The following NOX4 variants were observed in gnomAD, a reference collection of about 807,000 sequenced individuals.
The protein encoded by NOX4 is kidney oxidase-1.
In NOX4, 69 loss-of-function variants were observed where a neutral mutation model predicts 87.6. The observed-to-expected ratio is 0.79, with a 90% CI of 0.65 to 0.96. The LOEUF (loss-of-function observed/expected upper bound fraction) is 0.96. NOX4 is among the 40% of genes least tolerant of loss of function. NOX4 has a pLI of 0.00. For synonymous variants in NOX4, 275 were observed against 238.2 expected, an observed-to-expected ratio of 1.15 and a Z score of -1.42; for missense variants, 680 against 681.5, an observed-to-expected ratio of 1.00 and a Z score of 0.02.
At chr11:89,465,827 T>TG (rs540637990) in intron 2 of NOX4, among the ~76,000 whole-genome samples, 2 of 149,692 alleles carry the variant, frequency 1.3e-5, no homozygotes, top group African/African-American at 5.1e-5. Context: ...TGATGGGGTT[T>TG]TTTTTTTCTT....
the NOX4 span, among the ~76,000 whole-genome samples, chr11:89,556,654 G>A: frequency 6.6e-6 from 1 of 152,118 alleles, no homozygotes; most frequent in Non-Finnish European, 1.5e-5. Flanking sequence ...GTCAAAGAAA[G>A]TAATTAAAAC....
intron 12 of NOX4, among the ~76,000 whole-genome samples, chr11:89,364,935 ATACT>A (rs1938832774): frequency 6.6e-6 from 1 of 152,086 alleles, no homozygotes; most frequent in African/African-American, 2.4e-5. Context: ...AGAGGCAAAG[ATACT>A]TAAAGAAAAG....
At chr11:89,583,633 A>G in the NOX4 span, among the ~76,000 whole-genome samples, 4 of 152,172 alleles carry the variant, frequency 2.6e-5, no homozygotes, top group Non-Finnish European at 5.9e-5. Flanking sequence ...TGGATTTGCT[A>G]TAATAAGTTA....
chr11:89,389,909 G>A (rs958683456), intron 11 of NOX4, among the ~76,000 whole-genome samples: 15 of 152,064 alleles, frequency 9.9e-5, no homozygotes, highest in Admixed American at 7.2e-4. Context: ...TTAACAATAC[G>A]TGTCTCATAG....
chr11:89,580,643 T>C, the NOX4 span, among the ~76,000 whole-genome samples: 2 of 152,054 alleles, frequency 1.3e-5, no homozygotes, highest in Non-Finnish European at 2.9e-5. Context: ...ATATGGAGGC[T>C]CACTCTATTT....
intron 11 of NOX4, among the ~76,000 whole-genome samples, chr11:89,394,894 C>G (rs981587767): frequency 6.6e-6 from 1 of 152,106 alleles, no homozygotes; most frequent in Non-Finnish European, 1.5e-5. Flanking sequence ...TCTTAATCCA[C>G]TCTATCATTG....
At chr11:89,501,749 G>C (rs546216726), upstream of NOX4, among the ~76,000 whole-genome samples, 147 of 152,140 alleles carry the variant, frequency 9.7e-4, no homozygotes, top group African/African-American at 3.0e-3. Context: ...AAAGCTGCAG[G>C]GGGCAATGGA....
chr11:89,434,164 G>T (rs1046038895), intron 6 of NOX4, among the ~76,000 whole-genome samples: 1 of 152,070 alleles, frequency 6.6e-6, no homozygotes, highest in Non-Finnish European at 1.5e-5. Flanking sequence ...TGTGTACAAT[G>T]TAAGAGCAAC....
chr11:89,545,458 T>C, the NOX4 span: 2 of 152,170 alleles, frequency 1.3e-5, no homozygotes, highest in South Asian at 2.1e-4. Flanking sequence ...TATATGATCA[T>C]TGTAAAAAAC....
the NOX4 span, among the ~76,000 whole-genome samples, chr11:89,555,958 TA>T: frequency 6.6e-6 from 1 of 152,148 alleles, no homozygotes; most frequent in Non-Finnish European, 1.5e-5. Context: ...AAACAAAAAG[TA>T]AACTAGCATT....
the NOX4 span, among the ~76,000 whole-genome samples, chr11:89,562,993 C>T: frequency 6.6e-6 from 1 of 152,184 alleles, no homozygotes; most frequent in Non-Finnish European, 1.5e-5. Flanking sequence ...TTCCCCTCCG[C>T]TCACGCTCTT....
intron 2 of NOX4, among the ~76,000 whole-genome samples, chr11:89,479,806 C>A (rs1308152805): frequency 6.6e-6 from 1 of 152,140 alleles, no homozygotes; most frequent in Non-Finnish European, 1.5e-5. Context: ...TAGACACTAA[C>A]TTTTTATCGC....
chr11:89,466,681 AG>A (rs1443169116), intron 2 of NOX4, among the ~76,000 whole-genome samples: 1 of 152,228 alleles, frequency 6.6e-6, no homozygotes, highest in East Asian at 1.9e-4. Context: ...GTTTTAGTAG[AG>A]GAAATACATT....
intron 2 of NOX4, among the ~76,000 whole-genome samples, chr11:89,460,500 T>C (rs547186592): frequency 2.0e-5 from 3 of 152,270 alleles, no homozygotes; most frequent in African/African-American, 7.2e-5. Context: ...GGGCGAAGGA[T>C]ATGAACAGAC....
chr11:89,545,059 T>C, the NOX4 span: 3 of 152,174 alleles, frequency 2.0e-5, no homozygotes, highest in Non-Finnish European at 2.9e-5. Flanking sequence ...TAATTTGTGC[T>C]CTTGCTGTTG....
At chr11:89,461,334 A>C (rs967239919) in intron 2 of NOX4, among the ~76,000 whole-genome samples, 1 of 151,976 alleles carries the variant, frequency 6.6e-6, no homozygotes, top group Non-Finnish European at 1.5e-5. Context: ...GAAACAAAAA[A>C]ATAAATTAAT....
At chr11:89,460,852 T>C (rs147185158) in intron 2 of NOX4, among the ~76,000 whole-genome samples, 1 of 152,152 alleles carries the variant, frequency 6.6e-6, no homozygotes, top group Non-Finnish European at 1.5e-5. Flanking sequence ...TAAAGACACA[T>C]GCACACGTAT....
At chr11:89,425,745 G>A (rs972906244) in intron 7 of NOX4, among the ~76,000 whole-genome samples, 12 of 152,004 alleles carry the variant, frequency 7.9e-5, no homozygotes, top group African/African-American at 2.9e-4. Flanking sequence ...TCTTTGGGTA[G>A]TGAGTAGACT....
At chr11:89,327,706 G>A (rs1005697816) in intron 17 of NOX4, among the ~76,000 whole-genome samples, 10 of 151,740 alleles carry the variant, frequency 6.6e-5, no homozygotes, top group Admixed American at 2.6e-4. Context: ...AGAATAACTC[G>A]CACTGAACAA....
Sources: allele counts gnomAD v4.1 joint callset (sites outside exome capture counted in the v4.1 genomes callset), GRCh38; gene constraint gnomAD v4.1.1; transcripts MANE v1.5; gene names NCBI Gene and HGNC (gene_info 2026-07-23, HGNC 2026-07-21).